The following DOP1A variants were observed in gnomAD, a reference collection of about 807,000 sequenced individuals.
DOP1A encodes the protein DOP1 leucine zipper like protein A.
In DOP1A, 90 loss-of-function variants were observed where a neutral mutation model predicts 267.6. The observed-to-expected ratio is 0.34, with a 90% CI of 0.28 to 0.40. The LOEUF (loss-of-function observed/expected upper bound fraction) is 0.40, where lower values mean the gene tolerates loss of function less well. Among genes scored for constraint, DOP1A ranks in the 10% least tolerant of loss-of-function variants. DOP1A has a pLI of 1.00. For synonymous variants in DOP1A, 932 were observed against 999.1 expected (o/e 0.93, Z 1.27); for missense variants, 2,437 against 2,900.4 (o/e 0.84, Z 3.67).
chr6:83,115,979 G>T (rs1775371828), intron 7 of DOP1A, among the ~76,000 whole-genome samples: 1 of 152,092 alleles, frequency 6.6e-6, no homozygotes. Flanking sequence ...TTTAGTTGTA[G>T]AACCCCATTA....
downstream of DOP1A, chr6:83,169,438 C>G: frequency 8.1e-7 from 1 of 1,228,538 alleles, no homozygotes; most frequent in Non-Finnish European, 1.1e-6. Flanking sequence ...GATTTTGTTT[C>G]ACTAACAAAT....
At chr6:83,094,083 T>G (rs1168969325) in intron 1 of DOP1A, among the ~76,000 whole-genome samples, 1 of 152,036 alleles carries the variant, frequency 6.6e-6, no homozygotes, top group East Asian at 1.9e-4. Context: ...TTTCCTCTTC[T>G]CCCCCCACTC....
intron 1 of DOP1A, among the ~76,000 whole-genome samples, chr6:83,074,449 A>G (rs1766675381): frequency 6.6e-6 from 1 of 152,210 alleles, no homozygotes; most frequent in South Asian, 2.1e-4. Context: ...ATAAGTATAC[A>G]GATAGTCCCC....
At chr6:83,166,325 G>A (rs1030158071) in intron 38 of DOP1A, 3 of 663,034 alleles carry the variant, frequency 4.5e-6, no homozygotes, top group African/African-American at 3.6e-5. Context: ...AATTTCCGAT[G>A]ACTGGCCACT....
At chr6:83,115,575 T>A (rs1429473332) in intron 7 of DOP1A, among the ~76,000 whole-genome samples, 1 of 151,892 alleles carries the variant, frequency 6.6e-6, no homozygotes, top group Non-Finnish European at 1.5e-5. Context: ...ACAAAAAAAA[T>A]TAGCAGGGCA....
chr6:83,123,033 T>C, intron 12 of DOP1A, 51 bp downstream of exon 12: 1 of 1,542,168 alleles, frequency 6.5e-7, no homozygotes, highest in Non-Finnish European at 8.7e-7. Context: ...AAGCTAACCT[T>C]TGGGTTTTTT....
At position 83,081,129 on chromosome 6, in the gene DOP1A, G is replaced by A. The variant is rs375633445; in HGVS notation, c.-147+13350G>A. Among the ~76,000 whole-genome samples the A allele has an allele frequency of 1.3e-4, 20 of 152,170 alleles. No homozygotes were observed. The East Asian group carries it at 1.7e-3, about 13-fold the overall frequency. ...TTTACAAACAACTGTTGGTTTGTTC[G>A]TTTGTTTTTTGAGACAGAGTCTCAC... On this transcript the variant is annotated intron_variant, in intron 1 of 38. Coordinates refer to ENST00000349129, the MANE Select transcript of DOP1A (RefSeq NM_015018.4).
chr6:83,144,244 A>G (rs1252702471), intron 24 of DOP1A, among the ~76,000 whole-genome samples: 1 of 152,192 alleles, frequency 6.6e-6, no homozygotes, highest in African/African-American at 2.4e-5. Context: ...AAGAGAAAGC[A>G]AGGGGAATCT....
At chr6:83,159,518 T>C (rs905207908) in intron 36 of DOP1A, among the ~76,000 whole-genome samples, 4 of 152,116 alleles carry the variant, frequency 2.6e-5, no homozygotes, top group Non-Finnish European at 4.4e-5. Flanking sequence ...CTCAAATTCC[T>C]GGGCTCAAAC....
intron 1 of DOP1A, among the ~76,000 whole-genome samples, chr6:83,096,173 G>C (rs1771469954): frequency 6.6e-6 from 1 of 151,848 alleles, no homozygotes; most frequent in Admixed American, 6.6e-5. Context: ...TTGCAGCCTT[G>C]AACTCTTGGA....
intron 6 of DOP1A, among the ~76,000 whole-genome samples, chr6:83,112,865 C>G (rs1774802834): frequency 6.6e-6 from 1 of 152,136 alleles, no homozygotes. Context: ...TATATTGCAA[C>G]ATTATTTACA....
At chr6:83,135,946 C>T in intron 20 of DOP1A, 68 bp downstream of exon 20, 1 of 1,528,070 alleles carries the variant, frequency 6.5e-7, no homozygotes, top group South Asian at 1.3e-5. Context: ...ATGAATACAA[C>T]AGTAATTGTT....
chr6:83,138,724 A>T lies in DOP1A; in HGVS notation c.4682A>T (p.Glu1561Val). 1.2e-6 allele frequency: 2 copies of T among 1,614,080 alleles called. No individual in the cohort carries two copies. The highest frequency in any genetic ancestry group is 2.7e-5 in the African/African-American group (2 of 75,048). The change falls in exon 21 of 39, where the codon GAG becomes GTG. Residue 1561 changes from glutamate to valine, a missense_variant. By Grantham distance (121) the Glu-to-Val change is moderately radical. Around this residue, in one of 9 missense-constraint regions of DOP1A, gnomAD observed 878 missense variants for 992.9 expected, o/e 0.88. Coordinates refer to ENST00000349129, the MANE Select transcript of DOP1A (RefSeq NM_015018.4). ...NLVAVEEGFS[E>V]DSLINFSEDE... ...GTTGCTGTGGAAGAAGGTTTCTCAG[A>T]GGACAGCCTTATTAATTTCTCAGAG...
rs1767434868 is a variant in DOP1A, at chr6:83,078,059, A to T, written c.-147+10280A>T. On this transcript the variant is annotated intron_variant, in intron 1 of 38. Transcript: ENST00000349129. ...GCAGAGACATAGCATTTTGAGTTTG[A>T]GTATAATTTAATAGAAAATTAAATT... Among the ~76,000 whole-genome samples the T allele has an allele frequency of 1.3e-5, 2 of 152,222 alleles. 1 individual carries two copies. The highest frequency in any genetic ancestry group is 1.3e-4 in the Admixed American group (2 of 15,282).
chr6:83,088,192 C>G (rs1582886755), intron 1 of DOP1A, among the ~76,000 whole-genome samples: 1 of 151,490 alleles, frequency 6.6e-6, no homozygotes, highest in East Asian at 2.0e-4. Context: ...GGGTTTTAAG[C>G]AAAGGAATGG....
intron 4 of DOP1A, among the ~76,000 whole-genome samples, chr6:83,102,642 C>A (rs1357190136): frequency 6.6e-6 from 1 of 152,184 alleles, no homozygotes; most frequent in Non-Finnish European, 1.5e-5. Flanking sequence ...ATTGATCCAC[C>A]ATCTGTTCTT....
downstream of DOP1A, chr6:83,170,321 G>A: frequency 1.2e-6 from 2 of 1,614,132 alleles, no homozygotes; most frequent in Non-Finnish European, 1.7e-6. Flanking sequence ...GTCTGCTTCT[G>A]CATATACTCG....
chr6:83,149,033 G>A (rs1200201148), intron 27 of DOP1A, among the ~76,000 whole-genome samples, 170 bp downstream of exon 27: 1 of 152,064 alleles, frequency 6.6e-6, no homozygotes, highest in Non-Finnish European at 1.5e-5. Context: ...AAAAAAAGTG[G>A]GAGGCAGGGT....
intron 19 of DOP1A, chr6:83,134,520 C>CGG: frequency 2.5e-6 from 1 of 407,994 alleles, no homozygotes; most frequent in Non-Finnish European, 4.4e-6. Flanking sequence ...CTTCCTTGGA[C>CGG]AACTATTCAT....
Sources: gnomAD v4.1 joint callset for allele counts (sites outside exome capture counted in the v4.1 genomes callset) on GRCh38, gnomAD v4.1.1 for gene constraint, gnomAD v4.1.1 regional missense constraint, MANE v1.5 for transcripts, NCBI Gene and HGNC (gene_info 2026-07-23, HGNC 2026-07-21) for gene names.